Variants in BDH1 observed in about 807,000 individuals in gnomAD.
BDH1 encodes 3-hydroxybutyrate dehydrogenase 1, also known as D-beta-hydroxybutyrate dehydrogenase, mitochondrial.
A neutral mutation model predicts 33.1 loss-of-function variants in BDH1; 30 were observed. The ratio of observed to expected loss-of-function variants is 0.91; its 90% CI spans 0.68 to 1.23. The LOEUF (loss-of-function observed/expected upper bound fraction) is 1.23, where lower values mean the gene tolerates loss of function less well. BDH1 is among the 50% of genes most tolerant of loss of function. BDH1 has a pLI of 0.00. For missense variants in BDH1, 443 were observed against 464.4 expected (o/e 0.95, Z 0.42); for synonymous variants, 190 against 183.6 (o/e 1.03, Z -0.28).
intron 2 of BDH1, among the ~76,000 whole-genome samples, chr3:197,548,437 G>A (rs976768040): frequency 6.6e-6 from 1 of 152,202 alleles, no homozygotes; most frequent in African/African-American, 2.4e-5. Flanking sequence ...TTAGCTCAAT[G>A]CCTGTGGCAG....
upstream of BDH1, among the ~76,000 whole-genome samples, chr3:197,559,875 G>C (rs546890807): frequency 8.2e-4 from 125 of 152,338 alleles, 1 homozygote; most frequent in African/African-American, 2.8e-3. Context: ...TTTGGAACTG[G>C]AGAAACATTC....
intron 1 of BDH1, among the ~76,000 whole-genome samples, chr3:197,570,360 G>T (rs71325625): frequency 0.048 from 7,266 of 152,346 alleles, 209 homozygotes; most frequent in African/African-American, 0.058. Flanking sequence ...CAAGCTGGCT[G>T]CAGAAATTTG....
chr3:197,544,489 G>A (rs888316378), intron 3 of BDH1, among the ~76,000 whole-genome samples: 6 of 152,184 alleles, frequency 3.9e-5, no homozygotes, highest in African/African-American at 1.4e-4. Context: ...ATCTCTAAAA[G>A]CCATGTTGGA....
rs149241244 is a variant in BDH1, at chr3:197,570,509, G to A, written c.-44+2672C>T. Among the ~76,000 whole-genome samples, 206 of 152,318 alleles carry A rather than the reference G, an allele frequency of 1.4e-3. 1 individual carries two copies. The highest frequency in any genetic ancestry group is 4.5e-3 in the African/African-American group (188 of 41,572). On this transcript the variant is annotated intron_variant, in intron 1 of 6. Coordinates refer to the BDH1 transcript ENST00000358186. ...AAATGTTTGCGTGGCCTGGGCCCAGGGGCCCCCTGCTGTGTGCATCTTAGG... is the reference window on the plus strand; with the variant it reads ...AAATGTTTGCGTGGCCTGGGCCCAGAGGCCCCCTGCTGTGTGCATCTTAGG...
chr3:197,525,578 G>A lies in BDH1; in HGVS notation c.268-2797C>T, dbSNP rs1714010880. On this transcript the variant is annotated intron_variant, in intron 5 of 7. Transcript: ENST00000392379. The surrounding 1 kb of genome is among the most constrained non-coding windows in gnomAD (Gnocchi z 4.9). ...CTGCCCACGGCTTCAGGCTCCCGAG[G>A]AGAGCAACGCTACCCTCCTATCTTC... Among the ~76,000 whole-genome samples, 1 of 152,196 alleles carries A rather than the reference G, an allele frequency of 6.6e-6. No homozygotes were observed. Among genetic ancestry groups the A allele is most frequent in the South Asian group, 2.1e-4 (1 of 4,828 alleles).
Position 197,527,692 on chromosome 3 carries a change from A to T in BDH1, c.267+4720T>A, listed in dbSNP as rs538308772. ...GCTGTTTCTCAGATGCACCCTGCAC[A>T]CTCCCTCCTGGAGCTCTGTACTGCA... On this transcript the variant is annotated intron_variant, in intron 5 of 7. Coordinates refer to ENST00000392379, the MANE Select transcript of BDH1 (RefSeq NM_203314.3). 1.0e-3 allele frequency among the ~76,000 whole-genome samples: 158 copies of T among 151,310 alleles called. 1 individual carries two copies. The highest frequency in any genetic ancestry group is 3.6e-3 in the African/African-American group (149 of 41,152).
chr3:197,512,343 C>G lies in BDH1; in HGVS notation c.584G>C (p.Ser195Thr), dbSNP rs964914209. 37 of 1,607,792 alleles carry G rather than the reference C, an allele frequency of 2.3e-5. No homozygotes were observed. Among genetic ancestry groups the G allele is most frequent in the Non-Finnish European group, 3.1e-5 (37 of 1,178,758 alleles). The change falls in exon 8 of 8, where the codon AGC becomes ACC. Residue 195 changes from serine (S) to threonine (T), a missense_variant. Coordinates refer to ENST00000392379, the MANE Select transcript of BDH1 (RefSeq NM_203314.3). ...CGGGTTGGCCATGCGGCCCAGCATG[C>G]TGCTGATATTGACGACGCGGCCTAC... ...RAKGRVVNIS[S>T]MLGRMANPAR...
chr3:197,520,296 A>C lies in BDH1; in HGVS notation c.409+2344T>G, dbSNP rs1009480972. On this transcript the variant is annotated intron_variant, in intron 6 of 7. Coordinates refer to ENST00000392379, the MANE Select transcript of BDH1 (RefSeq NM_203314.3). The surrounding 1 kb of genome is among the most constrained non-coding windows in gnomAD (Gnocchi z 6.0). ...GTCTTCAAATCCTTTTCCAAAAAAA[A>C]AAAATGCAGTATCGGTTAAGGAAGT... 3.9e-5 allele frequency among the ~76,000 whole-genome samples: 6 copies of C among 152,208 alleles called. No homozygotes were observed. Among genetic ancestry groups the C allele is most frequent in the Non-Finnish European group, 8.8e-5 (6 of 68,040 alleles).
chr3:197,572,087 C>A (rs1717627223), intron 1 of BDH1, among the ~76,000 whole-genome samples: 2 of 152,070 alleles, frequency 1.3e-5, no homozygotes, highest in African/African-American at 4.8e-5. Flanking sequence ...TTTGCCTAGG[C>A]CTTTCCTGGG....
chr3:197,536,857 C>A (rs1463907445), intron 3 of BDH1, among the ~76,000 whole-genome samples: 2 of 152,170 alleles, frequency 1.3e-5, no homozygotes, highest in Non-Finnish European at 2.9e-5. Flanking sequence ...AAAACCCAAC[C>A]AAACAAACAA....
chr3:197,545,398 C>T (rs1560333666), intron 3 of BDH1, among the ~76,000 whole-genome samples: 1 of 152,222 alleles, frequency 6.6e-6, no homozygotes, highest in African/African-American at 2.4e-5. Context: ...GAGCAGTTAT[C>T]AAAATAATGT....
intron 2 of BDH1, among the ~76,000 whole-genome samples, chr3:197,550,271 T>C (rs1003458328): frequency 1.3e-5 from 2 of 152,156 alleles, no homozygotes; most frequent in African/African-American, 2.4e-5. Context: ...CACAGGGACC[T>C]TCAATAAAAG....
At chr3:197,573,151 C>G in intron 1 of BDH1, 1 of 152,226 alleles carries the variant, frequency 6.6e-6, no homozygotes, top group East Asian at 1.9e-4. Flanking sequence ...TCAGTGACAG[C>G]CCACATGTTC....
At position 197,522,273 on chromosome 3, in the gene BDH1, T is replaced by C. The variant is rs1407748444; in HGVS notation, c.409+367A>G. 6.6e-6 allele frequency among the ~76,000 whole-genome samples: 1 copy of C among 152,176 alleles called. No homozygotes were observed. Among genetic ancestry groups the C allele is most frequent in the African/African-American group, 2.4e-5 (1 of 41,422 alleles). On this transcript the variant is annotated intron_variant, in intron 6 of 7. Coordinates refer to ENST00000392379, the MANE Select transcript of BDH1 (RefSeq NM_203314.3). The surrounding 1 kb of genome is among the most constrained non-coding windows in gnomAD (Gnocchi z 4.8). ...CACGGCTCCCTGATTTTGAACTCAG[T>C]CCTCCGGCTGAACTATGAGGTCCTG...
chr3:197,528,091 A>G lies in BDH1; in HGVS notation c.267+4321T>C, dbSNP rs1389766396. Among the ~76,000 whole-genome samples, 1 of 152,216 alleles carries G rather than the reference A, an allele frequency of 6.6e-6. No homozygotes were observed. The highest frequency in any genetic ancestry group is 1.9e-4 in the East Asian group (1 of 5,190). On this transcript the variant is annotated intron_variant, in intron 5 of 7. Coordinates refer to ENST00000392379, the MANE Select transcript of BDH1 (RefSeq NM_203314.3). The surrounding 1 kb of genome is among the most constrained non-coding windows in gnomAD (Gnocchi z 5.1). ...TTCTCACTGAGGTGTTATATGCTGT[A>G]TCTCCAACAGGGAACACTGTCAGCT...
In BDH1 at chr3:197,514,873, G is replaced by T. The variant is rs1712524111; in HGVS notation, c.410-457C>A. On this transcript the variant is annotated intron_variant, in intron 6 of 7. Transcript: ENST00000392379. The surrounding 1 kb of genome is among the most constrained non-coding windows in gnomAD (Gnocchi z 4.2). ...AGAAGCCAGGGAAATCACAGGGGAGGTGGGCACGAGGAGGCAGCTGTGTTT... is the reference window on the plus strand; with the variant it reads ...AGAAGCCAGGGAAATCACAGGGGAGTTGGGCACGAGGAGGCAGCTGTGTTT... 6.6e-6 allele frequency among the ~76,000 whole-genome samples: 1 copy of T among 152,194 alleles called. No homozygotes were observed.
rs1421649818 is a variant in BDH1 at position 197,520,673 on chromosome 3, A to G, written c.409+1967T>C. ...ACCCACGCTATAATCAAGTGGCTTT[A>G]TGGTGCCGATGCAGCTGTTTTCCTG... On this transcript the variant is annotated intron_variant, in intron 6 of 7. Coordinates refer to ENST00000392379, the MANE Select transcript of BDH1 (RefSeq NM_203314.3). This position sits in a 1 kb window ranked among gnomAD's most constrained non-coding sequence, Gnocchi z 6.0. Among the ~76,000 whole-genome samples the G allele has an allele frequency of 2.6e-5, 4 of 152,166 alleles. No homozygotes were observed. The highest frequency in any genetic ancestry group is 4.4e-5 in the Non-Finnish European group (3 of 68,026).
chr3:197,550,971 G>A (rs1431245545), intron 2 of BDH1, among the ~76,000 whole-genome samples: 1 of 151,994 alleles, frequency 6.6e-6, no homozygotes, highest in Non-Finnish European at 1.5e-5. Context: ...ATATTTACGG[G>A]GTACTATTTT....
chr3:197,552,395 C>T (rs1716650587), intron 2 of BDH1, among the ~76,000 whole-genome samples: 1 of 152,212 alleles, frequency 6.6e-6, no homozygotes, highest in Non-Finnish European at 1.5e-5. Flanking sequence ...TCTTGCGGAA[C>T]ATAAATCAGA....
Sources: gnomAD v4.1 joint callset for allele counts (sites outside exome capture counted in the v4.1 genomes callset) on GRCh38, gnomAD v4.1.1 for gene constraint, Gnocchi (gnomAD v3.1) non-coding constraint, MANE v1.5 for transcripts, NCBI Gene and HGNC (gene_info 2026-07-23, HGNC 2026-07-21) for gene names.